Variants in EYS observed in about 807,000 individuals in gnomAD.
EYS encodes protein eyes shut homolog.
In EYS, 250 loss-of-function variants were observed where a neutral mutation model predicts 282.1. That is an observed-to-expected ratio of 0.89 (90% CI 0.80 to 0.98). The LOEUF is 0.98. Among genes scored for constraint, EYS ranks in the 50% least tolerant of loss-of-function variants. EYS has a pLI of 0.00. For synonymous variants in EYS, 1,355 were observed against 1,282.9 expected (o/e 1.06, Z -1.20); for missense variants, 4,016 against 3,709.0 (o/e 1.08, Z -2.15).
At chr6:64,145,968 T>C (rs1456534118) in intron 31 of EYS, among the ~76,000 whole-genome samples, 1 of 152,192 alleles carries the variant, frequency 6.6e-6, no homozygotes, top group Non-Finnish European at 1.5e-5. Flanking sequence ...CATGACCTTA[T>C]GTTTTTGTCA....
chr6:64,815,822 A>G (rs1764729802), intron 21 of EYS, among the ~76,000 whole-genome samples: 1 of 152,078 alleles, frequency 6.6e-6, no homozygotes, highest in Admixed American at 6.6e-5. Context: ...TACTGAAAAT[A>G]TTATGCCAGG....
At chr6:64,134,022 C>T (rs1378832781) in intron 31 of EYS, among the ~76,000 whole-genome samples, 1 of 151,864 alleles carries the variant, frequency 6.6e-6, no homozygotes, top group Non-Finnish European at 1.5e-5. Context: ...ATAAAAAGCT[C>T]CTAAGGAAGT....
chr6:64,229,585 A>G (rs1766357593), intron 31 of EYS, among the ~76,000 whole-genome samples: 1 of 152,230 alleles, frequency 6.6e-6, no homozygotes, highest in Admixed American at 6.5e-5. Flanking sequence ...ATGTCTTAAG[A>G]GAAACATGAA....
chr6:65,013,533 C>T (rs1001006456), intron 13 of EYS, among the ~76,000 whole-genome samples: 2 of 152,152 alleles, frequency 1.3e-5, no homozygotes, highest in Non-Finnish European at 1.5e-5. Context: ...AATATGGTTT[C>T]CAAGATCCCC....
intron 14 of EYS, among the ~76,000 whole-genome samples, chr6:64,989,661 AT>A (rs1770992967): frequency 1.4e-5 from 2 of 144,618 alleles, no homozygotes; most frequent in African/African-American, 5.0e-5. Context: ...AAATTATATT[AT>A]TTATTTTTAT....
At chr6:64,602,909 T>C (rs766425372) in intron 24 of EYS, among the ~76,000 whole-genome samples, 5 of 152,006 alleles carry the variant, frequency 3.3e-5, no homozygotes, top group Non-Finnish European at 7.4e-5. Flanking sequence ...TCCTAGGCTT[T>C]AGGGACTAAT....
intron 36 of EYS, among the ~76,000 whole-genome samples, chr6:63,809,839 A>G (rs1041696226): frequency 6.6e-6 from 1 of 152,224 alleles, no homozygotes; most frequent in Non-Finnish European, 1.5e-5. Context: ...CAGAAAGGGT[A>G]TAAAATTCTA....
chr6:65,141,655 CTAT>C (rs1198551799), intron 12 of EYS, among the ~76,000 whole-genome samples: 1 of 27,414 alleles, frequency 3.6e-5, no homozygotes. Context: ...GTCTGTCTAT[CTAT>C]CTATCTATCT....
chr6:65,334,924 A>G, intron 11 of EYS, 56 bp downstream of exon 11: 2 of 1,519,264 alleles, frequency 1.3e-6, no homozygotes, highest in Non-Finnish European at 1.8e-6. Flanking sequence ...ATGACTATCA[A>G]TTTAATTATA....
intron 24 of EYS, among the ~76,000 whole-genome samples, chr6:64,601,573 A>G (rs1214718000): frequency 6.6e-6 from 1 of 152,054 alleles, no homozygotes; most frequent in Non-Finnish European, 1.5e-5. Context: ...CTTTGCCACA[A>G]ATATCAAACC....
chr6:64,781,868 T>C lies in EYS; in HGVS notation c.3443+31510A>G, dbSNP rs189187443. Among the ~76,000 whole-genome samples, 6 of 152,272 alleles carry C rather than the reference T, an allele frequency of 3.9e-5. No individual in the cohort carries two copies. In the East Asian group the frequency reaches 5.8e-4, roughly 15 times the overall value. On this transcript the variant is annotated intron_variant, in intron 22 of 42. Transcript: ENST00000503581. Reference sequence around the variant, plus strand: ...AACTGTTTAACTACTGTGTGAAAAATTGAATTTCCAACATAACTCATATTA... The same window carrying C: ...AACTGTTTAACTACTGTGTGAAAAACTGAATTTCCAACATAACTCATATTA...
chr6:65,570,750 G>C (rs1264284702), intron 2 of EYS, among the ~76,000 whole-genome samples: 1 of 152,098 alleles, frequency 6.6e-6, no homozygotes, highest in Admixed American at 6.6e-5. Context: ...GAAAGGTTTT[G>C]TTTATTTTCA....
intron 22 of EYS, among the ~76,000 whole-genome samples, chr6:64,694,122 G>A (rs1770494310): frequency 1.3e-5 from 2 of 152,202 alleles, no homozygotes; most frequent in African/African-American, 4.8e-5. Flanking sequence ...GATAGTAGCT[G>A]AAAATTAAAA....
At chr6:64,627,319 G>A (rs527429576) in intron 22 of EYS, among the ~76,000 whole-genome samples, 8 of 152,254 alleles carry the variant, frequency 5.3e-5, no homozygotes, top group African/African-American at 1.2e-4. Flanking sequence ...CAGAGTATAC[G>A]CAAGGGCAAG....
intron 40 of EYS, among the ~76,000 whole-genome samples, chr6:63,765,012 T>A (rs1769749425): frequency 6.6e-6 from 1 of 152,000 alleles, no homozygotes; most frequent in African/African-American, 2.4e-5. Context: ...TTCATTAATA[T>A]TTCTTCCCTT....
chr6:64,953,834 T>A (rs1769595095), intron 14 of EYS, among the ~76,000 whole-genome samples: 1 of 151,942 alleles, frequency 6.6e-6, no homozygotes, highest in Non-Finnish European at 1.5e-5. Context: ...CAATTTCTTT[T>A]ACTTGGGAAA....
intron 18 of EYS, among the ~76,000 whole-genome samples, chr6:64,894,868 T>C (rs1238335500): frequency 6.6e-6 from 1 of 152,160 alleles, no homozygotes; most frequent in African/African-American, 2.4e-5. Context: ...CATCTTCTCT[T>C]TGATTTTGTT....
intron 18 of EYS, among the ~76,000 whole-genome samples, chr6:64,901,680 G>A (rs1029514166): frequency 1.3e-4 from 20 of 151,924 alleles, no homozygotes; most frequent in Non-Finnish European, 2.1e-4. Flanking sequence ...TAAGACAAAA[G>A]AAGCAAATAG....
At chr6:65,455,851 A>G (rs1413527185) in intron 5 of EYS, among the ~76,000 whole-genome samples, 4 of 152,052 alleles carry the variant, frequency 2.6e-5, no homozygotes, top group African/African-American at 9.7e-5. Flanking sequence ...AATTTTCCTC[A>G]ACCTATTCCA....
Sources: gnomAD v4.1 joint callset for allele counts (sites outside exome capture counted in the v4.1 genomes callset) on GRCh38, gnomAD v4.1.1 for gene constraint, MANE v1.5 for transcripts, NCBI Gene and HGNC (gene_info 2026-07-23, HGNC 2026-07-21) for gene names.